CNTNAP2: variants seen among roughly 807,000 people sequenced by gnomAD.
CNTNAP2 encodes contactin associated protein 2.
CNTNAP2 carries 98 observed loss-of-function variants against 155.2 expected under a neutral mutation model. The ratio of observed to expected loss-of-function variants is 0.63; its 90% CI spans 0.54 to 0.75. The LOEUF (loss-of-function observed/expected upper bound fraction) is 0.75. CNTNAP2 is among the 30% of genes least tolerant of loss of function. CNTNAP2 has a pLI of 0.00. For missense variants in CNTNAP2, 1,727 were observed against 1,688.1 expected, an observed-to-expected ratio of 1.02 and a Z score of -0.40; for synonymous variants, 651 against 631.2, an observed-to-expected ratio of 1.03 and a Z score of -0.47.
chr7:146,721,461 T>TATATATATTCTA (rs1563203613), intron 1 of CNTNAP2, among the ~76,000 whole-genome samples: 33 of 107,244 alleles, frequency 3.1e-4, no homozygotes, highest in Admixed American at 1.1e-3. Flanking sequence ...TATATACATT[T>TATATATATTCTA]TATATACATT....
chr7:147,346,979 G>A (rs951679541), intron 9 of CNTNAP2, among the ~76,000 whole-genome samples: 11 of 151,816 alleles, frequency 7.2e-5, no homozygotes, highest in African/African-American at 2.2e-4. Flanking sequence ...ATCCTATTAT[G>A]AACAAAAAAT....
At chr7:146,946,753 C>CA (rs1324304252) in intron 3 of CNTNAP2, among the ~76,000 whole-genome samples, 1 of 144,836 alleles carries the variant, frequency 6.9e-6, no homozygotes, top group Non-Finnish European at 1.5e-5. Context: ...CGTAAAAAGC[C>CA]ATGCTTCAGG....
chr7:148,194,246 C>G (rs1469771940), intron 18 of CNTNAP2, among the ~76,000 whole-genome samples: 1 of 151,880 alleles, frequency 6.6e-6, no homozygotes, highest in African/African-American at 2.4e-5. Context: ...AATCCACCTG[C>G]TTTGGTCCCC....
At chr7:146,727,684 T>G (rs1375956676) in intron 1 of CNTNAP2, among the ~76,000 whole-genome samples, 2 of 152,228 alleles carry the variant, frequency 1.3e-5, no homozygotes, top group African/African-American at 4.8e-5. Flanking sequence ...TTTGGTATTA[T>G]GTAAGAACAT....
intron 15 of CNTNAP2, among the ~76,000 whole-genome samples, chr7:147,998,220 T>A (rs1801841240): frequency 6.9e-6 from 1 of 144,130 alleles, no homozygotes; most frequent in Non-Finnish European, 1.5e-5. Flanking sequence ...CAAGTGATTC[T>A]CCTGCCTCAG....
intron 8 of CNTNAP2, among the ~76,000 whole-genome samples, chr7:147,272,051 C>A (rs1032643618): frequency 6.6e-6 from 1 of 152,066 alleles, no homozygotes; most frequent in African/African-American, 2.4e-5. Flanking sequence ...CACCACCAAA[C>A]CCAGTTAATT....
intron 8 of CNTNAP2, among the ~76,000 whole-genome samples, chr7:147,152,438 T>G (rs183160647): frequency 1.9e-3 from 285 of 152,118 alleles, no homozygotes; most frequent in African/African-American, 6.6e-3. Context: ...AATGGTATAA[T>G]GGGGATAAAA....
intron 9 of CNTNAP2, among the ~76,000 whole-genome samples, chr7:147,383,473 C>T (rs981758627): frequency 2.6e-5 from 4 of 152,092 alleles, no homozygotes. Flanking sequence ...TAAAAAGATA[C>T]ATAGTGCTGC....
intron 10 of CNTNAP2, among the ~76,000 whole-genome samples, chr7:147,414,374 A>C (rs2116494211): frequency 6.7e-6 from 1 of 149,388 alleles, no homozygotes; most frequent in East Asian, 2.0e-4. Flanking sequence ...CAATGAGCTG[A>C]GACTGTGGTA....
At chr7:146,178,102 C>T (rs1248176090) in intron 1 of CNTNAP2, among the ~76,000 whole-genome samples, 1 of 152,112 alleles carries the variant, frequency 6.6e-6, no homozygotes, top group Non-Finnish European at 1.5e-5. Context: ...GACGTGATCT[C>T]GGCTCACTGC....
At chr7:147,421,723 T>C (rs1797294326) in intron 10 of CNTNAP2, among the ~76,000 whole-genome samples, 1 of 152,016 alleles carries the variant, frequency 6.6e-6, no homozygotes, top group Admixed American at 6.6e-5. Flanking sequence ...TGGGGCCTGG[T>C]AGGAGGTGTT....
chr7:146,812,636 T>C (rs1803088791), intron 2 of CNTNAP2, among the ~76,000 whole-genome samples: 1 of 151,940 alleles, frequency 6.6e-6, no homozygotes, highest in Non-Finnish European at 1.5e-5. Context: ...CACAGTGTGA[T>C]AGAAAAGAAA....
rs138937015 is a variant in CNTNAP2, at chr7:146,551,954, TCTC to T, written c.98-222313_98-222311del. Among the ~76,000 whole-genome samples the T allele has an allele frequency of 1.9e-3, 293 of 152,098 alleles. 1 individual carries two copies. Among genetic ancestry groups the T allele is most frequent in the African/African-American group, 6.6e-3 (274 of 41,468 alleles). ...AATGTATGTGATGAGTAAGATACAA[TCTC>T]CTCAATTTCAACTACAGATTGCTGA... On this transcript the variant is annotated intron_variant, in intron 1 of 23. Transcript: ENST00000361727.
chr7:148,097,524 G>A (rs552435116), intron 15 of CNTNAP2, among the ~76,000 whole-genome samples: 3 of 151,866 alleles, frequency 2.0e-5, no homozygotes, highest in South Asian at 4.2e-4. Flanking sequence ...TTGCTCTGTC[G>A]CCCAGGCTGG....
chr7:147,555,504 C>G (rs530024212), intron 11 of CNTNAP2, among the ~76,000 whole-genome samples: 2 of 152,240 alleles, frequency 1.3e-5, no homozygotes, highest in East Asian at 3.9e-4. Context: ...TTGATGGATA[C>G]GCAAAATGTT....
intron 3 of CNTNAP2, among the ~76,000 whole-genome samples, chr7:147,027,396 G>GTGGATGA (rs1345883172): frequency 6.6e-6 from 1 of 152,180 alleles, no homozygotes; most frequent in Non-Finnish European, 1.5e-5. Flanking sequence ...ATGTTTGTAT[G>GTGGATGA]TGGATGACAC....
intron 13 of CNTNAP2, among the ~76,000 whole-genome samples, chr7:147,716,287 C>T (rs1031794369): frequency 3.9e-5 from 6 of 152,014 alleles, no homozygotes; most frequent in African/African-American, 7.2e-5. Flanking sequence ...TAACAGTGAA[C>T]GTTTAATAAG....
chr7:146,321,361 C>T (rs1283825606), intron 1 of CNTNAP2, among the ~76,000 whole-genome samples: 1 of 152,128 alleles, frequency 6.6e-6, no homozygotes, highest in East Asian at 1.9e-4. Flanking sequence ...TAGTGCCATT[C>T]TATCTGGTTT....
At chr7:147,496,002 T>C (rs1297096645) in intron 11 of CNTNAP2, among the ~76,000 whole-genome samples, 1 of 152,134 alleles carries the variant, frequency 6.6e-6, no homozygotes, top group African/African-American at 2.4e-5. Context: ...GCGAGGGATG[T>C]AGGTTGCATG....
Sources: gnomAD v4.1 joint callset for allele counts (sites outside exome capture counted in the v4.1 genomes callset) on GRCh38, gnomAD v4.1.1 for gene constraint, MANE v1.5 for transcripts, NCBI Gene and HGNC (gene_info 2026-07-23, HGNC 2026-07-21) for gene names.